The following SUGCT variants were observed in gnomAD, a reference collection of about 807,000 sequenced individuals.
The protein encoded by SUGCT is succinyl-CoA:glutarate-CoA transferase.
SUGCT carries 41 observed loss-of-function variants against 55.0 expected under a neutral mutation model. The observed-to-expected ratio is 0.74, with a 90% CI of 0.58 to 0.97. The LOEUF is 0.97. Among genes scored for constraint, SUGCT ranks in the 50% least tolerant of loss-of-function variants. SUGCT has a pLI of 0.00. For missense variants in SUGCT, 568 were observed against 547.8 expected (o/e 1.04, Z -0.37); for synonymous variants, 187 against 200.4 (o/e 0.93, Z 0.56).
chr7:40,729,299 G>A (rs1786771527), intron 12 of SUGCT, among the ~76,000 whole-genome samples: 1 of 152,134 alleles, frequency 6.6e-6, no homozygotes, highest in Non-Finnish European at 1.5e-5. Flanking sequence ...GGGATATAAA[G>A]GTCAGTGAGC....
At chr7:40,614,296 A>C (rs532853982) in intron 12 of SUGCT, among the ~76,000 whole-genome samples, 7 of 152,308 alleles carry the variant, frequency 4.6e-5, no homozygotes, top group Admixed American at 4.6e-4. Context: ...GAGGATGTTA[A>C]TACATGCTCT....
At chr7:40,675,554 G>A (rs1332233004) in intron 12 of SUGCT, among the ~76,000 whole-genome samples, 4 of 152,324 alleles carry the variant, frequency 2.6e-5, no homozygotes, top group East Asian at 1.9e-4. Context: ...GAAGCACATC[G>A]TGCTAAAAGA....
chr7:40,368,085 TTG>T (rs979317988), intron 9 of SUGCT, among the ~76,000 whole-genome samples: 1 of 152,228 alleles, frequency 6.6e-6, no homozygotes, highest in Non-Finnish European at 1.5e-5. Flanking sequence ...CCTCCAGATT[TTG>T]TCTCTATTGT....
At chr7:40,570,102 AT>A (rs1207729063) in intron 12 of SUGCT, among the ~76,000 whole-genome samples, 2 of 152,196 alleles carry the variant, frequency 1.3e-5, no homozygotes, top group East Asian at 3.8e-4. Flanking sequence ...ATTGCATTAT[AT>A]TTTCAAAATA....
intron 9 of SUGCT, among the ~76,000 whole-genome samples, chr7:40,380,515 T>C (rs1784817501): frequency 6.6e-6 from 1 of 152,210 alleles, no homozygotes; most frequent in African/African-American, 2.4e-5. Flanking sequence ...TCCGAGTTGC[T>C]GTTTACTGTA....
At chr7:40,999,667 T>C in the SUGCT span, among the ~76,000 whole-genome samples, 1 of 152,172 alleles carries the variant, frequency 6.6e-6, no homozygotes, top group South Asian at 2.1e-4. Context: ...TCAATGAGAT[T>C]CCAGTGGGGC....
At position 40,449,359 on chromosome 7, in the gene SUGCT, G is replaced by A. The variant is rs368267878; in HGVS notation, c.888+1G>A. 7 of 1,606,180 alleles carry A rather than the reference G, an allele frequency of 4.4e-6. No individual in the cohort carries two copies. The Admixed American group carries it at 5.0e-5, about 12-fold the overall frequency. ...CCAGCAGTTTGCCACCGTCTGCAAGGTAATCTATAATTATTGGGATTGGTC... is the reference window on the plus strand; with the variant it reads ...CCAGCAGTTTGCCACCGTCTGCAAGATAATCTATAATTATTGGGATTGGTC... On this transcript the variant is annotated splice_donor_variant, in intron 10 of 13. Coordinates refer to ENST00000335693, the MANE Select transcript of SUGCT (RefSeq NM_001193313.2). LOFTEE classifies it high-confidence loss of function.
At chr7:40,253,677 C>T (rs143708859) in intron 7 of SUGCT, among the ~76,000 whole-genome samples, 195 of 152,292 alleles carry the variant, frequency 1.3e-3, no homozygotes, top group African/African-American at 4.0e-3. Flanking sequence ...AGAGCCACCA[C>T]GCACGGCTAA....
chr7:40,184,798 A>G (rs1338652693), intron 3 of SUGCT, among the ~76,000 whole-genome samples: 3 of 152,256 alleles, frequency 2.0e-5, no homozygotes, highest in Admixed American at 2.0e-4. Context: ...ATTTATAATT[A>G]CATCAACTTA....
chr7:40,503,760 C>G (rs892433246), intron 12 of SUGCT, among the ~76,000 whole-genome samples: 1 of 152,050 alleles, frequency 6.6e-6, no homozygotes. Context: ...TTCTAAGCAT[C>G]AATGCAATAG....
intron 12 of SUGCT, among the ~76,000 whole-genome samples, chr7:40,713,822 C>T (rs942062338): frequency 1.3e-5 from 2 of 152,186 alleles, no homozygotes; most frequent in Admixed American, 1.3e-4. Flanking sequence ...TCCTGTCCCT[C>T]TCCCAATGCT....
chr7:40,179,177 T>C (rs1359322857), intron 1 of SUGCT, among the ~76,000 whole-genome samples: 1 of 152,234 alleles, frequency 6.6e-6, no homozygotes, highest in Non-Finnish European at 1.5e-5. Flanking sequence ...ACAGGTTATC[T>C]CTGCTGTAAG....
chr7:40,208,245 A>C (rs1352500787), intron 6 of SUGCT, among the ~76,000 whole-genome samples: 1 of 152,188 alleles, frequency 6.6e-6, no homozygotes, highest in African/African-American at 2.4e-5. Context: ...AAGATGAAGA[A>C]GTTCTGGAGA....
chr7:40,354,306 A>G (rs1562707590), intron 9 of SUGCT, among the ~76,000 whole-genome samples: 1 of 152,188 alleles, frequency 6.6e-6, no homozygotes, highest in Non-Finnish European at 1.5e-5. Context: ...CAGTGTGGGC[A>G]GAGGGCAAAG....
chr7:40,514,537 C>T (rs1793125748), intron 12 of SUGCT, among the ~76,000 whole-genome samples: 3 of 151,774 alleles, frequency 2.0e-5, no homozygotes, highest in Admixed American at 6.6e-5. Flanking sequence ...GGTGAAACTC[C>T]ATGTCTATTA....
chr7:40,601,615 G>C (rs1237400259), intron 12 of SUGCT, among the ~76,000 whole-genome samples: 6 of 152,134 alleles, frequency 3.9e-5, no homozygotes, highest in African/African-American at 1.4e-4. Flanking sequence ...CAGCAGCTCT[G>C]CATGAGAAAG....
intron 12 of SUGCT, among the ~76,000 whole-genome samples, chr7:40,502,019 T>C (rs1583844827): frequency 6.6e-6 from 1 of 152,216 alleles, no homozygotes; most frequent in South Asian, 2.1e-4. Flanking sequence ...TTCTTCTTAA[T>C]GACTAAGAAG....
chr7:40,214,788 C>A (rs1369940506), intron 6 of SUGCT, among the ~76,000 whole-genome samples: 1 of 151,936 alleles, frequency 6.6e-6, no homozygotes, highest in Non-Finnish European at 1.5e-5. Flanking sequence ...GTGGCATGTG[C>A]CTGTAGTCCC....
intron 7 of SUGCT, among the ~76,000 whole-genome samples, chr7:40,242,929 ATATATTTTTTTTTT>A (rs1333800259): frequency 7.6e-5 from 2 of 26,412 alleles, no homozygotes; most frequent in Non-Finnish European, 1.4e-4. Flanking sequence ...ATATATATAT[ATATATTTTTTTTTT>A]TTTTTTTTTT....
Sources: allele counts gnomAD v4.1 joint callset (sites outside exome capture counted in the v4.1 genomes callset), GRCh38; gene constraint gnomAD v4.1.1; transcripts MANE v1.5; gene names NCBI Gene and HGNC (gene_info 2026-07-23, HGNC 2026-07-21).